MORC3: variants seen among roughly 807,000 people sequenced by gnomAD.
MORC3 encodes MORC family CW-type zinc finger 3.
MORC3 carries 31 observed loss-of-function variants against 109.1 expected under a neutral mutation model. The observed-to-expected ratio is 0.28, with a 90% confidence interval of 0.21 to 0.38. The LOEUF (loss-of-function observed/expected upper bound fraction) is 0.38, where lower values mean the gene tolerates loss of function less well. Among genes scored for constraint, MORC3 ranks in the 10% least tolerant of loss-of-function variants. The pLI, the probability that MORC3 is intolerant of heterozygous loss-of-function variation, is 1.00. For synonymous variants in MORC3, 395 were observed against 380.7 expected, an observed-to-expected ratio of 1.04 and a Z score of -0.44; for missense variants, 867 against 1,135.8, an observed-to-expected ratio of 0.76 and a Z score of 3.40.
chr21:36,338,990 C>A, intron 5 of MORC3, 69 bp downstream of exon 5: 3 of 1,524,560 alleles, frequency 2.0e-6, no homozygotes, highest in East Asian at 2.3e-5. Context: ...GTGTTATATT[C>A]ATCTCTCGTT....
chr21:36,369,435 A>C lies in MORC3; in HGVS notation c.2067A>C (p.Ala689=). ...CCCAGGAAACCACCGATAAATCTGC[A>C]GATGATGCAGGCTGCCAATTACAAG... ...HETQETTDKS[A]DDAGCQLQEL... The change falls in exon 15 of 17, where the codon GCA becomes GCC. Residue 689 remains alanine, a synonymous_variant. Coordinates refer to ENST00000400485, the MANE Select transcript of MORC3 (RefSeq NM_015358.3). 1 of 1,614,266 alleles carries C rather than the reference A, an allele frequency of 6.2e-7. No homozygotes were observed.
At chr21:36,321,153 TCC>T (rs1218542298) in intron 1 of MORC3, among the ~76,000 whole-genome samples, 1 of 152,234 alleles carries the variant, frequency 6.6e-6, no homozygotes, top group African/African-American at 2.4e-5. Flanking sequence ...GGGTAGTGAC[TCC>T]TTGGGGTACA....
At chr21:36,364,041 C>A in intron 13 of MORC3, 52 bp from the exon 14 acceptor site, 2 of 1,552,800 alleles carry the variant, frequency 1.3e-6, no homozygotes, top group Non-Finnish European at 1.8e-6. Context: ...GTGTTTTGGG[C>A]ATGTCACACT....
intron 9 of MORC3, among the ~76,000 whole-genome samples, chr21:36,351,281 T>A (rs1759879314): frequency 1.3e-5 from 2 of 152,094 alleles, no homozygotes; most frequent in South Asian, 2.1e-4. Flanking sequence ...TTGATCAGGA[T>A]GGTCTTGATC....
chr21:36,353,747 A>G (rs2085604272), intron 9 of MORC3, among the ~76,000 whole-genome samples: 1 of 65,510 alleles, frequency 1.5e-5, no homozygotes, highest in East Asian at 1.0e-3. Context: ...AGCCCGGCTA[A>G]TTTTTGTATT....
At chr21:36,351,207 AC>A (rs1315220836) in intron 9 of MORC3, among the ~76,000 whole-genome samples, 1 of 151,854 alleles carries the variant, frequency 6.6e-6, no homozygotes, top group Non-Finnish European at 1.5e-5. Context: ...AGCTGGGACT[AC>A]AGGCATGCAC....
intron 5 of MORC3, among the ~76,000 whole-genome samples, chr21:36,340,105 T>G (rs1204628672): frequency 6.6e-6 from 1 of 152,022 alleles, no homozygotes; most frequent in South Asian, 2.1e-4. Context: ...GGCGAAACCC[T>G]GTCTCTACTA....
intron 16 of MORC3, 96 bp downstream of exon 16, chr21:36,372,627 T>G: frequency 1.6e-6 from 2 of 1,261,022 alleles, no homozygotes; most frequent in Non-Finnish European, 2.1e-6. Context: ...TACTGTTCTG[T>G]CAAAAGAAGT....
At chr21:36,334,434 T>C (rs1230617379) in intron 2 of MORC3, among the ~76,000 whole-genome samples, 1 of 152,182 alleles carries the variant, frequency 6.6e-6, no homozygotes, top group Non-Finnish European at 1.5e-5. Flanking sequence ...TTTTTATTTT[T>C]ATTATAAAAG....
Position 36,344,607 on chromosome 21 carries a change from C to G in MORC3, c.785C>G (p.Pro262Arg). 1 of 1,613,950 alleles carries G rather than the reference C, an allele frequency of 6.2e-7. No individual in the cohort carries two copies. The highest frequency in any genetic ancestry group is 1.1e-5 in the South Asian group (1 of 91,058). Residue 262 changes from proline to arginine, a missense_variant, in exon 7 of 17, where the codon CCA (proline) becomes CGA (arginine). Coordinates refer to ENST00000400485, the MANE Select transcript of MORC3 (RefSeq NM_015358.3). ...RAYCSILYLK[P>R]RMQIILRGQK... ...TATTGCAGTATATTATATCTAAAGCCAAGAATGCAGATCATCCTACGTGGA... is the reference window on the plus strand; with the variant it reads ...TATTGCAGTATATTATATCTAAAGCGAAGAATGCAGATCATCCTACGTGGA...
At chr21:36,335,338 CAG>C (rs1601515130) in intron 2 of MORC3, among the ~76,000 whole-genome samples, 2 of 125,368 alleles carry the variant, frequency 1.6e-5, no homozygotes, top group East Asian at 2.3e-4. Context: ...TTTTTTGAGG[CAG>C]AGTCTCGCTC....
intron 8 of MORC3, among the ~76,000 whole-genome samples, chr21:36,346,291 T>G (rs1019179688): frequency 2.0e-5 from 3 of 152,236 alleles, no homozygotes; most frequent in African/African-American, 7.2e-5. Context: ...CGTGCTCAGA[T>G]TACAGGCCTG....
At position 36,344,884 on chromosome 21, in the gene MORC3, T is replaced by C. The variant is rs141167584; in HGVS notation, c.886-28T>C. The C allele has an allele frequency of 6.2e-6, 10 of 1,609,690 alleles. No homozygotes were observed. The South Asian group carries it at 7.8e-5, about 13-fold the overall frequency. On this transcript the variant is annotated intron_variant, in intron 7 of 16. Transcript: ENST00000400485. ...ATGATTTGAACTGAGTGAGGTGTTG[T>C]GTTCAAAATTTACCTTAATATTTTA...
chr21:36,349,210 G>C (rs2085545321), intron 8 of MORC3, 101 bp from the exon 9 acceptor site: 1 of 768,594 alleles, frequency 1.3e-6, no homozygotes, highest in Non-Finnish European at 2.1e-6. Flanking sequence ...AATCATACAA[G>C]ATAAAATATA....
At chr21:36,368,402 G>T (rs944657725) in intron 14 of MORC3, among the ~76,000 whole-genome samples, 2 of 152,326 alleles carry the variant, frequency 1.3e-5, no homozygotes, top group African/African-American at 4.8e-5. Context: ...ACATTGAAAT[G>T]CCTGGAGGTG....
intron 1 of MORC3, among the ~76,000 whole-genome samples, chr21:36,322,339 A>G (rs537361193): frequency 6.7e-6 from 1 of 149,492 alleles, no homozygotes; most frequent in East Asian, 1.9e-4. Flanking sequence ...ATTTTAAGGC[A>G]CAAAGGGTGA....
intron 15 of MORC3, among the ~76,000 whole-genome samples, chr21:36,370,730 C>T (rs1222229359): frequency 2.1e-5 from 3 of 141,706 alleles, no homozygotes; most frequent in African/African-American, 7.9e-5. Flanking sequence ...AGTGCAGTGG[C>T]CCAATCTCGG....
At chr21:36,325,062 C>T (rs1315269681) in intron 1 of MORC3, among the ~76,000 whole-genome samples, 3 of 152,108 alleles carry the variant, frequency 2.0e-5, no homozygotes, top group African/African-American at 7.2e-5. Flanking sequence ...AATTTTCATA[C>T]ATGAATAGAG....
At position 36,341,516 on chromosome 21, in the gene MORC3, G is replaced by C. The variant is rs530766174; in HGVS notation, c.726G>C (p.Gln242His). The change falls in exon 6 of 17, where the codon CAG becomes CAC. Residue 242 changes from glutamine (Q) to histidine (H), a missense_variant. Gln to His is a conservative substitution (Grantham distance 24, BLOSUM62 0). Coordinates refer to ENST00000400485, the MANE Select transcript of MORC3 (RefSeq NM_015358.3). ...KGYKKQERMDQIAPESDYSLR... is the reference protein window; with the variant it reads ...KGYKKQERMDHIAPESDYSLR... Reference sequence around the variant, plus strand: ...ACAAGAAGCAGGAAAGGATGGACCAGATTGCCCCTGAGAGTGACTATTCCC... The same window carrying C: ...ACAAGAAGCAGGAAAGGATGGACCACATTGCCCCTGAGAGTGACTATTCCC... 6.2e-7 allele frequency: 1 copy of C among 1,613,820 alleles called. No homozygotes were observed. Among genetic ancestry groups the C allele is most frequent in the Non-Finnish European group, 8.5e-7 (1 of 1,180,018 alleles).
Sources: allele counts gnomAD v4.1 joint callset (sites outside exome capture counted in the v4.1 genomes callset), GRCh38; gene constraint gnomAD v4.1.1; transcripts MANE v1.5; gene names NCBI Gene and HGNC (gene_info 2026-07-23, HGNC 2026-07-21).